The following FANCI variants were observed in gnomAD, a reference collection of about 807,000 sequenced individuals.
FANCI encodes the protein Fanconi anemia group I protein.
In FANCI, 156 loss-of-function variants were observed where a neutral mutation model predicts 176.1. The ratio of observed to expected loss-of-function variants is 0.89; its 90% CI spans 0.78 to 1.01. The LOEUF (loss-of-function observed/expected upper bound fraction) is 1.01, where lower values mean the gene tolerates loss of function less well. Among genes scored for constraint, FANCI ranks in the 50% least tolerant of loss-of-function variants. The pLI is 0.00. For missense variants in FANCI, 1,678 were observed against 1,534.1 expected (o/e 1.09, Z -1.57); for synonymous variants, 613 against 541.7 (o/e 1.13, Z -1.83).
At chr15:89,267,172 T>C (rs745514285) in intron 9 of FANCI, among the ~76,000 whole-genome samples, 4 of 151,822 alleles carry the variant, frequency 2.6e-5, no homozygotes, top group Admixed American at 2.0e-4. Flanking sequence ...AGTACAAAAA[T>C]AGCCAGGCGC....
intron 34 of FANCI, among the ~76,000 whole-genome samples, chr15:89,311,636 C>G (rs979465279): frequency 6.6e-6 from 1 of 152,210 alleles, no homozygotes; most frequent in Non-Finnish European, 1.5e-5. Flanking sequence ...ATGCTCTACC[C>G]TGCCTTCCAG....
chr15:89,261,432 C>T (rs997215690), intron 4 of FANCI, among the ~76,000 whole-genome samples, 153 bp from the exon 5 acceptor site: 1 of 152,146 alleles, frequency 6.6e-6, no homozygotes, highest in Non-Finnish European at 1.5e-5. Flanking sequence ...TAACTACGTA[C>T]CAGACAGAGC....
Position 89,261,545 on chromosome 15 carries a change from G to A in FANCI, c.289-40G>A, listed in dbSNP as rs754697316. The A allele has an allele frequency of 6.2e-6, 10 of 1,611,150 alleles. No homozygotes were observed. The South Asian group carries it at 8.8e-5, about 14-fold the overall frequency. ...TCTTAGAAAGATTTATCAAACATTG[G>A]ATTTCTGCTTGAGATTTCCTTTATC... On this transcript the variant is annotated intron_variant, in intron 4 of 37. Transcript: ENST00000310775.
intron 24 of FANCI, 62 bp downstream of exon 24, chr15:89,295,156 A>G: frequency 6.7e-7 from 1 of 1,497,302 alleles, no homozygotes; most frequent in Non-Finnish European, 9.0e-7. Context: ...CAAGAGAACA[A>G]ACTGGGAACA....
chr15:89,314,742 T>A lies in FANCI; in HGVS notation c.3816+35T>A, dbSNP rs1041525127. 4 of 1,481,856 alleles carry A rather than the reference T, an allele frequency of 2.7e-6. No individual in the cohort carries two copies. The African/African-American group carries it at 4.2e-5, about 15-fold the overall frequency. 91.8% of individuals were successfully genotyped at this position (1,481,856 alleles called of 1,614,324 possible). A position where few individuals can be genotyped will look rare whatever the true frequency, so the allele number is the denominator to read the frequency against. The stretch of plus-strand genomic sequence containing the variant: ...CTCTTATTATGTGCTACCATTCCCA[T>A]TTACCTTCTTGACAGATCTGGCAAA... On this transcript the variant is annotated intron_variant, in intron 36 of 37. Transcript: ENST00000310775.
intron 24 of FANCI, among the ~76,000 whole-genome samples, chr15:89,296,979 C>T (rs1473654854): frequency 1.3e-5 from 2 of 150,768 alleles, no homozygotes; most frequent in African/African-American, 2.4e-5. Context: ...TGACCCCCCC[C>T]ACCTCCCTCC....
chr15:89,261,983 T>A, intron 6 of FANCI, 105 bp downstream of exon 6: 1 of 1,002,744 alleles, frequency 1.0e-6, no homozygotes, highest in South Asian at 1.4e-5. Context: ...CCTTCTTTTT[T>A]GTTGTTTTTA....
intron 28 of FANCI, 116 bp downstream of exon 28, chr15:89,304,031 T>G (rs1038645252): frequency 1.1e-6 from 1 of 939,740 alleles, no homozygotes; most frequent in Non-Finnish European, 1.7e-6. Flanking sequence ...GTGGCCAAAA[T>G]GAAACAGACA....
intron 1 of FANCI, 74 bp from the exon 2 acceptor site, chr15:89,247,555 A>T: frequency 9.6e-7 from 1 of 1,040,660 alleles, no homozygotes; most frequent in Non-Finnish European, 1.5e-6. Flanking sequence ...ATATTCAGTT[A>T]ACAGGGAAGG....
At chr15:89,291,876 T>C (rs1370157509) in intron 20 of FANCI, among the ~76,000 whole-genome samples, 162 bp downstream of exon 20, 1 of 152,254 alleles carries the variant, frequency 6.6e-6, no homozygotes, top group African/African-American at 2.4e-5. Context: ...ATTATCATTT[T>C]GGATCTATTG....
chr15:89,304,507 G>A (rs1180388519), intron 28 of FANCI, among the ~76,000 whole-genome samples: 1 of 152,174 alleles, frequency 6.6e-6, no homozygotes, highest in African/African-American at 2.4e-5. Context: ...TCCTTGGCGG[G>A]GCAAGTTAGG....
At chr15:89,281,499 TCTCAA>T (rs2053612746) in intron 15 of FANCI, among the ~76,000 whole-genome samples, 199 bp downstream of exon 15, 1 of 152,220 alleles carries the variant, frequency 6.6e-6, no homozygotes, top group Non-Finnish European at 1.5e-5. Context: ...AACACTATTC[TCTCAA>T]CTCATTTTCA....
intron 18 of FANCI, among the ~76,000 whole-genome samples, chr15:89,289,330 C>G (rs527658513): frequency 6.6e-5 from 10 of 152,080 alleles, no homozygotes; most frequent in African/African-American, 2.4e-4. Context: ...TGGAGTCTCA[C>G]TCTGTTGCCC....
intron 3 of FANCI, chr15:89,259,009 A>G: frequency 2.0e-6 from 1 of 501,594 alleles, no homozygotes; most frequent in Non-Finnish European, 3.6e-6. Context: ...GCCTATAATT[A>G]CAGAATGTGC....
intron 27 of FANCI, among the ~76,000 whole-genome samples, chr15:89,302,265 G>A (rs1020688307): frequency 6.6e-6 from 1 of 152,106 alleles, no homozygotes; most frequent in African/African-American, 2.4e-5. Flanking sequence ...GCTTCCTGTC[G>A]TCCTACTTCC....
intron 9 of FANCI, among the ~76,000 whole-genome samples, chr15:89,267,376 G>T (rs1279258765): frequency 2.0e-5 from 3 of 150,926 alleles, no homozygotes; most frequent in African/African-American, 7.3e-5. Context: ...TGATGCCCTG[G>T]AAGCTAAGAG....
At position 89,258,765 on chromosome 15, in the gene FANCI, C is replaced by A; in HGVS notation, c.146C>A (p.Ala49Asp). 6.2e-7 allele frequency: 1 copy of A among 1,609,298 alleles called. No individual in the cohort carries two copies. Among genetic ancestry groups the A allele is most frequent in the Non-Finnish European group, 8.5e-7 (1 of 1,175,746 alleles). The change falls in exon 3 of 38, where the codon GCC (alanine) becomes GAC (aspartate). Residue 49 changes from alanine to aspartate, a missense_variant. Physicochemically the swap from Ala to Asp is moderately radical, Grantham distance 126. Coordinates refer to ENST00000310775, the MANE Select transcript of FANCI (RefSeq NM_001113378.2). ...AAAGTTGCTGGAGCACTCCTGAGAG[C>A]CATCTTCAAAGGTAATAATAATTAA... ...KGKVAGALLR[A>D]IFKGSPCSEE...
intron 28 of FANCI, among the ~76,000 whole-genome samples, chr15:89,304,155 A>G (rs1412519944): frequency 1.3e-5 from 2 of 152,248 alleles, no homozygotes; most frequent in Non-Finnish European, 2.9e-5. Context: ...AGCAATATCT[A>G]CTAAAATTAA....
At chr15:89,250,237 A>C (rs912785545) in intron 2 of FANCI, among the ~76,000 whole-genome samples, 11 of 152,204 alleles carry the variant, frequency 7.2e-5, no homozygotes, top group Non-Finnish European at 1.3e-4. Context: ...ATAAAGACAC[A>C]TTCACACGTA....
Sources: allele counts gnomAD v4.1 joint callset (sites outside exome capture counted in the v4.1 genomes callset), GRCh38; gene constraint gnomAD v4.1.1; transcripts MANE v1.5; gene names NCBI Gene and HGNC (gene_info 2026-07-23, HGNC 2026-07-21).